Variants in SORBS2 observed in about 807,000 individuals in gnomAD.
SORBS2 encodes sorbin and SH3 domain containing 2, also known as sorbin and SH3 domain-containing protein 2.
In SORBS2, 46 loss-of-function variants were observed where a neutral mutation model predicts 97.7. That is an observed-to-expected ratio of 0.47 (90% CI 0.37 to 0.60). The LOEUF (loss-of-function observed/expected upper bound fraction) is 0.60. SORBS2 is among the 20% of genes least tolerant of loss of function. The pLI, the probability that SORBS2 is intolerant of heterozygous loss-of-function variation, is 0.00. For missense variants in SORBS2, 1,316 were observed against 1,282.3 expected, an observed-to-expected ratio of 1.03 and a Z score of -0.40; for synonymous variants, 476 against 473.4, an observed-to-expected ratio of 1.01 and a Z score of -0.07.
intron 2 of SORBS2, among the ~76,000 whole-genome samples, chr4:185,770,696 A>T (rs1422375771): frequency 5.0e-5 from 5 of 99,916 alleles, no homozygotes; most frequent in African/African-American, 1.5e-4. Flanking sequence ...ACACTGATTT[A>T]AAAAAAAAAT....
intron 1 of SORBS2, among the ~76,000 whole-genome samples, chr4:185,953,438 CTCT>C (rs1299499461): frequency 2.0e-5 from 3 of 152,252 alleles, no homozygotes; most frequent in African/African-American, 7.2e-5. Flanking sequence ...GGAAAAATCT[CTCT>C]TCTACTCAGC....
chr4:185,756,997 A>G lies in SORBS2; in HGVS notation c.-198+18230T>C, dbSNP rs919513597. 16 of 1,295,748 alleles carry G rather than the reference A, an allele frequency of 1.2e-5. No homozygotes were observed. The African/African-American group carries it at 2.0e-4, about 17-fold the overall frequency. The allele number at this position is 1,295,748 out of a possible 1,614,324, so 80.3% of individuals were successfully genotyped here. A position where few individuals can be genotyped will look rare whatever the true frequency, so the allele number is the denominator to read the frequency against. On this transcript the variant is annotated intron_variant, in intron 2 of 20. Coordinates refer to the SORBS2 transcript ENST00000284776. ...GCTCGCTCCTGGAGGACGTTAACCA[A>G]TTCTGCTATCACAAAGACGTGAGTG...
intron 12 of SORBS2, among the ~76,000 whole-genome samples, chr4:185,605,391 T>G (rs2096385816): frequency 6.6e-6 from 1 of 152,230 alleles, no homozygotes; most frequent in Non-Finnish European, 1.5e-5. Flanking sequence ...GAAGCAGTTC[T>G]CCTGCCTCAG....
chr4:185,843,806 A>G (rs2099212983), intron 1 of SORBS2, among the ~76,000 whole-genome samples: 1 of 152,232 alleles, frequency 6.6e-6, no homozygotes, highest in Non-Finnish European at 1.5e-5. Flanking sequence ...AGTGCAATAA[A>G]TCCCAATTAA....
At chr4:185,923,250 C>T (rs539395510) in intron 1 of SORBS2, among the ~76,000 whole-genome samples, 10 of 152,246 alleles carry the variant, frequency 6.6e-5, no homozygotes, top group Admixed American at 3.3e-4. Context: ...TGGAAAAGTA[C>T]GCCCTGCCTC....
At chr4:185,625,455 T>C (rs942632721) in intron 6 of SORBS2, among the ~76,000 whole-genome samples, 3 of 152,252 alleles carry the variant, frequency 2.0e-5, no homozygotes, top group Non-Finnish European at 4.4e-5. Flanking sequence ...TCAATACTTA[T>C]ACCTTACAAT....
upstream of SORBS2, chr4:185,661,957 T>C (rs529184610): frequency 1.8e-4 from 140 of 784,326 alleles, no homozygotes; most frequent in Non-Finnish European, 2.7e-4. Flanking sequence ...TCCTCCCATG[T>C]TGGGTCCTCT....
At chr4:185,909,132 G>T (rs1357167979) in intron 1 of SORBS2, among the ~76,000 whole-genome samples, 1 of 152,126 alleles carries the variant, frequency 6.6e-6, no homozygotes, top group Non-Finnish European at 1.5e-5. Flanking sequence ...CAATGGCAAA[G>T]ATATGGAATC....
chr4:185,737,507 C>T (rs892441808), intron 2 of SORBS2, among the ~76,000 whole-genome samples: 1 of 152,158 alleles, frequency 6.6e-6, no homozygotes, highest in Non-Finnish European at 1.5e-5. Context: ...ACGGGGAATT[C>T]TGTCATGAAA....
intron 2 of SORBS2, among the ~76,000 whole-genome samples, chr4:185,705,141 G>T (rs1291437919): frequency 2.6e-5 from 4 of 152,246 alleles, no homozygotes; most frequent in Non-Finnish European, 4.4e-5. Context: ...CCACGAGTTT[G>T]TGGATTTTAT....
At chr4:185,889,249 C>A (rs1210237779) in intron 1 of SORBS2, among the ~76,000 whole-genome samples, 1 of 152,168 alleles carries the variant, frequency 6.6e-6, no homozygotes, top group Non-Finnish European at 1.5e-5. Flanking sequence ...TCTCTGTTTG[C>A]ACTTTCTTCT....
chr4:185,627,877 CCA>C (rs113112432), intron 5 of SORBS2, among the ~76,000 whole-genome samples: 54,282 of 151,714 alleles, frequency 0.36, 9,846 homozygotes, highest in South Asian at 0.51. Flanking sequence ...ACTGATCTTT[CCA>C]CACGGCCTCC....
At chr4:185,807,203 A>T (rs2099160621) in intron 1 of SORBS2, among the ~76,000 whole-genome samples, 1 of 152,190 alleles carries the variant, frequency 6.6e-6, no homozygotes, top group Non-Finnish European at 1.5e-5. Context: ...AAATTATAAT[A>T]TGAATATATA....
intron 1 of SORBS2, among the ~76,000 whole-genome samples, chr4:185,804,999 C>T (rs1160644354): frequency 1.3e-5 from 2 of 151,838 alleles, no homozygotes; most frequent in Admixed American, 1.3e-4. Context: ...ACTTTTCTTT[C>T]TTATTCTTTT....
intron 4 of SORBS2, among the ~76,000 whole-genome samples, chr4:185,635,141 G>C (rs2096973521): frequency 6.6e-6 from 1 of 152,160 alleles, no homozygotes; most frequent in Non-Finnish European, 1.5e-5. Flanking sequence ...GTTGTGGTTG[G>C]AATGATTCTT....
At chr4:185,644,119 G>A (rs929936380) in intron 4 of SORBS2, among the ~76,000 whole-genome samples, 1 of 152,190 alleles carries the variant, frequency 6.6e-6, no homozygotes, top group Non-Finnish European at 1.5e-5. Flanking sequence ...CATATGGCCA[G>A]CTCAAACCAT....
At chr4:185,707,993 G>A (rs1021548352) in intron 2 of SORBS2, among the ~76,000 whole-genome samples, 30 of 152,136 alleles carry the variant, frequency 2.0e-4, no homozygotes, top group African/African-American at 6.0e-4. Context: ...ACATCCCTGA[G>A]CACTTTATTG....
rs557056953 is a variant in SORBS2 at position 185,606,996 on chromosome 4, ATGGTAAGGC to A, written c.2796+4775_2796+4783del. On this transcript the variant is annotated intron_variant, in intron 12 of 14. Coordinates refer to ENST00000418609, the Ensembl canonical transcript of SORBS2. This position sits in a 1 kb window ranked among gnomAD's most constrained non-coding sequence, Gnocchi z 4.3. The stretch of plus-strand genomic sequence containing the variant: ...TTCTGGGATCCTGAAGAGGCTCTGC[ATGGTAAGGC>A]TGGGCTGCAGCCGAGGCCACACCCG... 52 of 1,001,096 alleles carry A rather than the reference ATGGTAAGGC, an allele frequency of 5.2e-5. 2 individuals carry two copies. The South Asian group carries it at 2.1e-3, about 41-fold the overall frequency. 62.0% of individuals were successfully genotyped at this position (1,001,096 alleles called of 1,614,324 possible).
intron 1 of SORBS2, among the ~76,000 whole-genome samples, chr4:185,947,654 C>T (rs2099275170): frequency 6.6e-6 from 1 of 152,096 alleles, no homozygotes; most frequent in South Asian, 2.1e-4. Context: ...TCTTGTTGCC[C>T]AGGCTGGAGT....
Sources: gnomAD v4.1 joint callset for allele counts (sites outside exome capture counted in the v4.1 genomes callset) on GRCh38, gnomAD v4.1.1 for gene constraint, Gnocchi (gnomAD v3.1) non-coding constraint, MANE v1.5 for transcripts, NCBI Gene and HGNC (gene_info 2026-07-23, HGNC 2026-07-21) for gene names.